The following ENAH variants were observed in gnomAD, a reference collection of about 807,000 sequenced individuals.
ENAH encodes protein enabled homolog.
A neutral mutation model predicts 78.7 loss-of-function variants in ENAH; 23 were observed. The observed-to-expected ratio is 0.29, with a 90% CI of 0.21 to 0.41. ENAH has a LOEUF of 0.41. Ranked by LOEUF, ENAH falls within the 10% of genes least tolerant of loss-of-function variation. The pLI, the probability that ENAH is intolerant of heterozygous loss-of-function variation, is 1.00. For missense variants in ENAH, 544 were observed against 691.0 expected, an observed-to-expected ratio of 0.79 and a Z score of 2.39; for synonymous variants, 226 against 241.0, an observed-to-expected ratio of 0.94 and a Z score of 0.58.
rs1397848437 is a variant in ENAH, at chr1:225,494,019, C to T, written c.*3756G>A. ...GACTTTTAATTTGTAGACAAAAATACTGACTTACATATGAAGAGAAGCAAG... is the reference window on the plus strand; with the variant it reads ...GACTTTTAATTTGTAGACAAAAATATTGACTTACATATGAAGAGAAGCAAG... On this transcript the variant is annotated 3_prime_UTR_variant, in exon 14 of 14. Transcript: ENST00000366843. 2.6e-5 allele frequency: 3 copies of T among 116,660 alleles called. No individual in the cohort carries two copies. The East Asian group carries it at 8.6e-4, about 34-fold the overall frequency. The allele number at this position is 116,660 out of a possible 1,614,324, so 7.2% of individuals were successfully genotyped here. A position where few individuals can be genotyped will look rare whatever the true frequency, so the allele number is the denominator to read the frequency against.
intron 10 of ENAH, among the ~76,000 whole-genome samples, chr1:225,510,326 G>T (rs938014471): frequency 4.6e-5 from 7 of 152,016 alleles, no homozygotes; most frequent in Non-Finnish European, 1.0e-4. Context: ...CTGAAATTAT[G>T]AACAAATCTG....
intron 11 of ENAH, 69 bp from the exon 12 acceptor site, chr1:225,501,139 C>A (rs980912079): frequency 2.6e-6 from 3 of 1,163,160 alleles, no homozygotes; most frequent in African/African-American, 1.5e-5. Flanking sequence ...TAAATAATTG[C>A]AAATTTACCA....
Position 225,489,957 on chromosome 1 carries a change from T to C in ENAH, c.*7818A>G, listed in dbSNP as rs1375183885. On this transcript the variant is annotated 3_prime_UTR_variant, in exon 14 of 14. Coordinates refer to ENST00000366843, the MANE Select transcript of ENAH (RefSeq NM_018212.6). ...GAGCGAGACTGTCTCGAAATAATAA[T>C]AATAACAATAATAATAAAAAGCTTT... 1 of 151,730 alleles carries C rather than the reference T, an allele frequency of 6.6e-6. No individual in the cohort carries two copies. Among genetic ancestry groups the C allele is most frequent in the African/African-American group, 2.4e-5 (1 of 41,254 alleles). 9.4% of individuals were successfully genotyped at this position (151,730 alleles called of 1,614,324 possible).
intron 12 of ENAH, among the ~76,000 whole-genome samples, chr1:225,499,270 A>AT (rs2096268183): frequency 6.6e-6 from 1 of 152,262 alleles, no homozygotes; most frequent in East Asian, 1.9e-4. Context: ...TCTGTCTCAA[A>AT]AAAAAAATAA....
chr1:225,646,772 C>T (rs1010885910), intron 1 of ENAH, among the ~76,000 whole-genome samples: 1 of 150,650 alleles, frequency 6.6e-6, no homozygotes, highest in Non-Finnish European at 1.5e-5. Context: ...CTGGGCGACA[C>T]AGTGAGACTG....
chr1:225,651,214 G>A (rs1316225060), intron 1 of ENAH, among the ~76,000 whole-genome samples: 1 of 151,952 alleles, frequency 6.6e-6, no homozygotes, highest in Non-Finnish European at 1.5e-5. Context: ...ATCATCAAGG[G>A]AAAAGGGGTC....
At chr1:225,507,887 C>T (rs919517355) in intron 11 of ENAH, 64 bp downstream of exon 11, 4 of 1,190,058 alleles carry the variant, frequency 3.4e-6, no homozygotes, top group East Asian at 5.4e-5. Context: ...TTTTTCTACA[C>T]TAAGAATGCA....
rs566390908 is a variant in ENAH, at chr1:225,636,811, G to A, written c.5+15875C>T. 2.0e-5 allele frequency among the ~76,000 whole-genome samples: 3 copies of A among 152,296 alleles called. No individual in the cohort carries two copies. The South Asian group carries it at 6.2e-4, about 32-fold the overall frequency. On this transcript the variant is annotated intron_variant, in intron 1 of 13. Coordinates refer to ENST00000366843, the MANE Select transcript of ENAH (RefSeq NM_018212.6). ...CATGATATAAAGTGTTCAGAGAAAT[G>A]TGTCATGAGTTTATACTCCGTTTTT...
chr1:225,524,464 TACACAG>T, intron 4 of ENAH: 1 of 307,008 alleles, frequency 3.3e-6, no homozygotes, highest in Non-Finnish European at 4.8e-6. Context: ...AAAATAAAAC[TACACAG>T]ATACAGTTTG....
Position 225,549,663 on chromosome 1 carries a change from C to T in ENAH, c.349+5243G>A, listed in dbSNP as rs77933607. ...TTATAAAGATGATTGGTTATGTATA[C>T]GCCAGATTAAGACCAAGCACACAGA... On this transcript the variant is annotated intron_variant, in intron 3 of 13. Transcript: ENST00000366843. 4.5e-3 allele frequency among the ~76,000 whole-genome samples: 682 copies of T among 152,102 alleles called. 5 individuals carry two copies. Among genetic ancestry groups the T allele is most frequent in the African/African-American group, 0.015 (624 of 41,530 alleles).
intron 4 of ENAH, among the ~76,000 whole-genome samples, chr1:225,522,881 G>A (rs1430048304): frequency 6.6e-6 from 1 of 152,032 alleles, no homozygotes; most frequent in Admixed American, 6.5e-5. Context: ...ATGATGAAAA[G>A]ATCTAAGTTT....
intron 1 of ENAH, among the ~76,000 whole-genome samples, chr1:225,568,242 T>C (rs1234694337): frequency 1.3e-5 from 2 of 152,066 alleles, no homozygotes; most frequent in Non-Finnish European, 2.9e-5. Flanking sequence ...ATAAATAAAA[T>C]AGAGACGCCA....
chr1:225,499,521 A>G (rs1388380279), intron 12 of ENAH, among the ~76,000 whole-genome samples: 1 of 152,100 alleles, frequency 6.6e-6, no homozygotes, highest in African/African-American at 2.4e-5. Context: ...AAACTACAAA[A>G]GTTAGCCGGG....
rs916003195 is a variant in ENAH at position 225,489,223 on chromosome 1, G to A, written c.*8552C>T. On this transcript the variant is annotated 3_prime_UTR_variant, in exon 14 of 14. Coordinates refer to ENST00000366843, the MANE Select transcript of ENAH (RefSeq NM_018212.6). ...TTCATATAATTGGAGCATGGATCTC[G>A]TGTGGTCCCATTACATGATTGGAAT... 1.3e-5 allele frequency: 2 copies of A among 152,144 alleles called. No individual in the cohort carries two copies. Among genetic ancestry groups the A allele is most frequent in the Non-Finnish European group, 2.9e-5 (2 of 68,030 alleles). The allele number at this position is 152,144 out of a possible 1,614,324, so 9.4% of individuals were successfully genotyped here.
intron 5 of ENAH, among the ~76,000 whole-genome samples, chr1:225,518,298 C>G (rs980859372): frequency 6.6e-6 from 1 of 151,946 alleles, no homozygotes; most frequent in Admixed American, 6.6e-5. Context: ...TTTATTTAGT[C>G]TACAAGAAAA....
chr1:225,508,836 T>C (rs1434559822), intron 10 of ENAH, among the ~76,000 whole-genome samples: 7 of 152,238 alleles, frequency 4.6e-5, no homozygotes, highest in East Asian at 1.9e-4. Flanking sequence ...TGTGATCTCA[T>C]TGTATAGTTT....
chr1:225,623,672 G>A lies in ENAH; in HGVS notation c.5+29014C>T, dbSNP rs181259145. On this transcript the variant is annotated intron_variant, in intron 1 of 13. Transcript: ENST00000366843. The stretch of plus-strand genomic sequence containing the variant: ...GCAATCTCGGCTCACTGCAAGCTCC[G>A]CCTCCTGGGTTCACACCATTCTCCT... Among the ~76,000 whole-genome samples the A allele has an allele frequency of 1.4e-4, 18 of 130,252 alleles. No homozygotes were observed. In the East Asian group the frequency reaches 2.2e-3, roughly 16 times the overall value. 85.5% of individuals were successfully genotyped at this position (130,252 alleles called of 152,430 possible).
At chr1:225,561,619 T>TTAAAATAAAATAAAA (rs140300660) in intron 2 of ENAH, among the ~76,000 whole-genome samples, 22,449 of 125,622 alleles carry the variant, frequency 0.18, 2,378 homozygotes, top group African/African-American at 0.26. Flanking sequence ...AGATTCCGTC[T>TTAAAATAAAATAAAA]TAAAATAAAA....
intron 1 of ENAH, among the ~76,000 whole-genome samples, chr1:225,597,825 A>G (rs749387672): frequency 2.0e-5 from 3 of 152,172 alleles, no homozygotes; most frequent in Non-Finnish European, 4.4e-5. Context: ...CCGAAGGTCC[A>G]TTCTAACATC....
Sources: gnomAD v4.1 joint callset for allele counts (sites outside exome capture counted in the v4.1 genomes callset) on GRCh38, gnomAD v4.1.1 for gene constraint, MANE v1.5 for transcripts, NCBI Gene and HGNC (gene_info 2026-07-23, HGNC 2026-07-21) for gene names.